Variants in COX7B observed in about 807,000 individuals in gnomAD.
COX7B encodes cytochrome c oxidase subunit 7B, mitochondrial.
In COX7B, 2 loss-of-function variants were observed where a neutral mutation model predicts 7.9. That is an observed-to-expected ratio of 0.25 (90% CI 0.10 to 0.79). The LOEUF (loss-of-function observed/expected upper bound fraction) is 0.79, where lower values mean the gene tolerates loss of function less well. COX7B is among the 30% of genes least tolerant of loss of function. The probability of loss-of-function intolerance (pLI) is 0.69; values close to 1 mark genes in which losing one functional copy is unlikely to be tolerated. For synonymous variants in COX7B, 19 were observed against 21.1 expected, an observed-to-expected ratio of 0.90 and a Z score of 0.27; for missense variants, 54 against 62.7, an observed-to-expected ratio of 0.86 and a Z score of 0.47.
chrX:77,899,528 G>A lies in COX7B; in HGVS notation c.-26G>A, dbSNP rs782703625. ...TTGGCACCAAAGCAGCAGCTGTATT[G>A]CCGCAGTTCTAGCTTCACCTTCACG... On this transcript the variant is annotated 5_prime_UTR_variant, in exon 1 of 3. Transcript: ENST00000650309. 8.3e-7 allele frequency: 1 copy of A among 1,210,738 alleles called. No individual in the cohort carries two copies. Among genetic ancestry groups the A allele is most frequent in the Non-Finnish European group, 1.1e-6 (1 of 894,840 alleles).
chrX:77,905,481 G>GTTTT lies in COX7B; in HGVS notation c.*244_*247dup, dbSNP rs34296412. 26 of 67,808 alleles carry GTTTT rather than the reference G, an allele frequency of 3.8e-4. No homozygotes were observed. The highest frequency in any genetic ancestry group is 6.1e-4 in the African/African-American group (8 of 13,192). The allele number at this position is 67,808 out of a possible 1,213,427, so 5.6% of individuals were successfully genotyped here. A position where few individuals can be genotyped will look rare whatever the true frequency, so the allele number is the denominator to read the frequency against. ...AAATGCTGTGCAGCTTCTTAAATAG[G>GTTTT]TTTTTTTTTTTTTTTTTTTTTTTTT... On this transcript the variant is annotated 3_prime_UTR_variant, in exon 3 of 3. Coordinates refer to ENST00000650309, the MANE Select transcript of COX7B (RefSeq NM_001866.3).
chrX:77,904,336 C>T (rs2077128928), intron 2 of COX7B, among the ~76,000 whole-genome samples: 1 of 109,691 alleles, frequency 9.1e-6, no homozygotes, highest in South Asian at 4.0e-4. Context: ...TTGTTTTGAT[C>T]TTCCTGAAAT....
rs993565405 is a variant in COX7B at position 77,906,957 on chromosome X, T to G, written c.*1696T>G. On this transcript the variant is annotated 3_prime_UTR_variant, in exon 3 of 3. Coordinates refer to ENST00000650309, the MANE Select transcript of COX7B (RefSeq NM_001866.3). ...TATCATTACTTTCTTGGCTGAGAGC[T>G]GTAGTCTGTGGTAGTTGTTTTGTTT... The G allele has an allele frequency of 9.1e-6, 1 of 110,079 alleles. No individual in the cohort carries two copies. Among genetic ancestry groups the G allele is most frequent in the African/African-American group, 3.4e-5 (1 of 29,410 alleles). 9.1% of individuals were successfully genotyped at this position (110,079 alleles called of 1,213,427 possible).
chrX:77,903,665 A>T (rs972995615), intron 2 of COX7B, among the ~76,000 whole-genome samples: 10 of 111,103 alleles, frequency 9.0e-5, no homozygotes, highest in African/African-American at 3.3e-4. Flanking sequence ...AAACATCCTT[A>T]GTTCTATCAG....
intron 2 of COX7B, 80 bp from the exon 3 acceptor site, chrX:77,905,104 T>C (rs782800160): frequency 2.5e-6 from 2 of 802,816 alleles, no homozygotes; most frequent in Non-Finnish European, 3.8e-6. Context: ...GAACAGAATA[T>C]CTGTCATTTT....
Position 77,905,961 on chromosome X carries a change from T to G in COX7B, c.*700T>G, listed in dbSNP as rs1196142515. The G allele has an allele frequency of 9.0e-6, 1 of 111,531 alleles. No individual in the cohort carries two copies. The highest frequency in any genetic ancestry group is 1.9e-5 in the Non-Finnish European group (1 of 53,107). The allele number at this position is 111,531 out of a possible 1,213,427, so 9.2% of individuals were successfully genotyped here. ...CCACCGTGCCCGGCAATTTTTGTATTTTTAGTAGAGACAGGGTTTCACCAT... is the reference window on the plus strand; with the variant it reads ...CCACCGTGCCCGGCAATTTTTGTATGTTTAGTAGAGACAGGGTTTCACCAT... On this transcript the variant is annotated 3_prime_UTR_variant, in exon 3 of 3. Coordinates refer to ENST00000650309, the MANE Select transcript of COX7B (RefSeq NM_001866.3).
At chrX:77,900,617 C>T (rs2149033188) in intron 1 of COX7B, among the ~76,000 whole-genome samples, 1 of 112,630 alleles carries the variant, frequency 8.9e-6, no homozygotes, top group South Asian at 3.6e-4. Context: ...TTTTGATTTT[C>T]ACTTAATAGA....
rs782224856 is a variant in COX7B at position 77,902,639 on chromosome X, T to G, written c.41-4T>G. On this transcript the variant is annotated splice_polypyrimidine_tract_variant and splice_region_variant and intron_variant, in intron 1 of 2. Coordinates refer to ENST00000650309, the MANE Select transcript of COX7B (RefSeq NM_001866.3). ...TCTGTATTCTTTTTTCGTTTTCCTGTAAGTTCGAAGCATTCAGCAAACAAT... is the reference window on the plus strand; with the variant it reads ...TCTGTATTCTTTTTTCGTTTTCCTGGAAGTTCGAAGCATTCAGCAAACAAT... 30 of 1,207,349 alleles carry G rather than the reference T, an allele frequency of 2.5e-5. No individual in the cohort carries two copies. The highest frequency in any genetic ancestry group is 3.1e-5 in the Non-Finnish European group (28 of 894,658).
intron 2 of COX7B, 66 bp from the exon 3 acceptor site, chrX:77,905,118 G>T (rs1557220984): frequency 1.1e-6 from 1 of 888,416 alleles, no homozygotes; most frequent in East Asian, 3.1e-5. Context: ...TCATTTTCAA[G>T]AAATAGTCTC....
intron 2 of COX7B, among the ~76,000 whole-genome samples, chrX:77,904,083 C>T (rs2077128271): frequency 1.9e-5 from 2 of 106,690 alleles, no homozygotes; most frequent in Non-Finnish European, 3.9e-5. Context: ...CAGGTGCCCA[C>T]CACCATGCCC....
intron 2 of COX7B, chrX:77,903,006 T>A (rs2077124892): frequency 3.8e-6 from 1 of 266,145 alleles, no homozygotes. Context: ...TTCCATCTTG[T>A]GTAGCTGTTT....
rs1458357819 is a variant in COX7B at position 77,907,341 on chromosome X, A to C, written c.*2080A>C. The C allele has an allele frequency of 8.9e-6, 1 of 112,306 alleles. No homozygotes were observed. Among genetic ancestry groups the C allele is most frequent in the African/African-American group, 3.2e-5 (1 of 30,926 alleles). 9.3% of individuals were successfully genotyped at this position (112,306 alleles called of 1,213,427 possible). On this transcript the variant is annotated 3_prime_UTR_variant, in exon 3 of 3. Transcript: ENST00000650309. ...TGAGCGATATTGAAGTAAAATAAAC[A>C]TGTATTTAAGGAAGTGTCAACCTTC...
Position 77,899,606 on chromosome X carries a change from T to G in COX7B, c.40+13T>G. 2.5e-6 allele frequency: 3 copies of G among 1,207,313 alleles called. No homozygotes were observed. The highest frequency in any genetic ancestry group is 2.3e-4 in the Middle Eastern group (1 of 4,344). ...AATCGTCTCCAAGGTGAGCAAAAAT[T>G]ATGACAAATCATTTACAACAACCTT... On this transcript the variant is annotated intron_variant, in intron 1 of 2. Coordinates refer to ENST00000650309, the MANE Select transcript of COX7B (RefSeq NM_001866.3).
Position 77,907,198 on chromosome X carries a change from A to G in COX7B, c.*1937A>G, listed in dbSNP as rs2077137553. 8.9e-6 allele frequency: 1 copy of G among 111,845 alleles called. No homozygotes were observed. Among genetic ancestry groups the G allele is most frequent in the African/African-American group, 3.2e-5 (1 of 30,833 alleles). The allele number at this position is 111,845 out of a possible 1,213,427, so 9.2% of individuals were successfully genotyped here. A position where few individuals can be genotyped will look rare whatever the true frequency, so the allele number is the denominator to read the frequency against. On this transcript the variant is annotated 3_prime_UTR_variant, in exon 3 of 3. Coordinates refer to ENST00000650309, the MANE Select transcript of COX7B (RefSeq NM_001866.3). Reference sequence around the variant, plus strand: ...GAGGAAAAATTGAACGTCATTGTAAATTAAGTTGCAAGTTTAGTAACCATA... The same window carrying G: ...GAGGAAAAATTGAACGTCATTGTAAGTTAAGTTGCAAGTTTAGTAACCATA...
At chrX:77,900,749 G>A (rs899716962) in intron 1 of COX7B, among the ~76,000 whole-genome samples, 1 of 112,273 alleles carries the variant, frequency 8.9e-6, no homozygotes, top group African/African-American at 3.2e-5. Context: ...CTTTTACTTT[G>A]GGCATATGAT....
Position 77,902,719 on chromosome X carries a change from T to C in COX7B, c.117T>C (p.Asn39=), listed in dbSNP as rs782719518. 2.5e-6 allele frequency: 3 copies of C among 1,206,473 alleles called. No individual in the cohort carries two copies. The African/African-American group carries it at 5.2e-5, about 21-fold the overall frequency. Residue 39 remains asparagine (N), a synonymous_variant, in exon 2 of 3, where the codon AAT becomes AAC. Transcript: ENST00000650309. ...CTGATTTTCATGACAAATACGGTAA[T>C]GCTGTATTAGCTAGTGGAGCCACTT... ...RTPDFHDKYG[N]AVLASGATFC...
rs372923412 is a variant in COX7B, at chrX:77,902,608, T to C, written c.41-35T>C. On this transcript the variant is annotated intron_variant, in intron 1 of 2. Transcript: ENST00000650309. ...GTTTTCTTTACCTGACAATTGATAA[T>C]ATGCTTCTGTATTCTTTTTTCGTTT... The C allele has an allele frequency of 2.7e-5, 33 of 1,201,550 alleles. No homozygotes were observed. The African/African-American group carries it at 5.6e-4, about 20-fold the overall frequency.
In COX7B at chrX:77,903,911, G is replaced by GT. The variant is rs782106235; in HGVS notation, c.165+1156dup. Among the ~76,000 whole-genome samples, 342 of 87,910 alleles carry GT rather than the reference G, an allele frequency of 3.9e-3. 1 individual carries two copies. Among genetic ancestry groups the GT allele is most frequent in the African/African-American group, 7.6e-3 (186 of 24,478 alleles). The allele number at this position is 87,910 out of a possible 115,157, so 76.3% of individuals were successfully genotyped here. A position where few individuals can be genotyped will look rare whatever the true frequency, so the allele number is the denominator to read the frequency against. On this transcript the variant is annotated intron_variant, in intron 2 of 2. Coordinates refer to ENST00000650309, the MANE Select transcript of COX7B (RefSeq NM_001866.3). ...TAAAAGTAGGAGTCCTGAAGTCTGT[G>GT]TTTTTTTTTTTTGTTTTGTTTTTTG...
chrX:77,899,767 A>G (rs1164135454), intron 1 of COX7B, among the ~76,000 whole-genome samples, 174 bp downstream of exon 1: 1 of 110,805 alleles, frequency 9.0e-6, no homozygotes, highest in Non-Finnish European at 1.9e-5. Flanking sequence ...TTTATCACCC[A>G]GTATTTCTGT....
Sources: gnomAD v4.1 joint callset for allele counts (sites outside exome capture counted in the v4.1 genomes callset) on GRCh38, gnomAD v4.1.1 for gene constraint, MANE v1.5 for transcripts, NCBI Gene and HGNC (gene_info 2026-07-23, HGNC 2026-07-21) for gene names.